The following ZNF143 variants were observed in gnomAD, a reference collection of about 807,000 sequenced individuals.
ZNF143 encodes the protein zinc finger protein 143.
In ZNF143, 49 loss-of-function variants were observed where a neutral mutation model predicts 74.1. That is an observed-to-expected ratio of 0.66 (90% CI 0.53 to 0.84). The LOEUF is 0.84. Among genes scored for constraint, ZNF143 ranks in the 40% least tolerant of loss-of-function variants. The pLI, the probability that ZNF143 is intolerant of heterozygous loss-of-function variation, is 0.00. For missense variants in ZNF143, 637 were observed against 793.4 expected (o/e 0.80, Z 2.37); for synonymous variants, 304 against 282.8 (o/e 1.07, Z -0.75).
intron 14 of ZNF143, 28 bp from the exon 15 acceptor site, chr11:9,525,212 G>A (rs2134279381): frequency 6.2e-7 from 1 of 1,613,408 alleles, no homozygotes; most frequent in Non-Finnish European, 8.5e-7. Context: ...AATTCTTTAT[G>A]TGTATGGTTT....
chr11:9,475,196 C>T (rs1361493003), intron 5 of ZNF143, among the ~76,000 whole-genome samples: 6 of 152,062 alleles, frequency 3.9e-5, no homozygotes, highest in Admixed American at 1.3e-4. Flanking sequence ...TTAAAAGCAG[C>T]CTTGGCTCCT....
At chr11:9,518,136 C>G (rs942955171) in intron 14 of ZNF143, among the ~76,000 whole-genome samples, 1 of 152,164 alleles carries the variant, frequency 6.6e-6, no homozygotes, top group African/African-American at 2.4e-5. Context: ...GAACAGACCT[C>G]CCACAAAAGA....
rs887062406 is a variant in ZNF143 at position 9,474,590 on chromosome 11, G to A, written c.330G>A (p.Gln110=). 5 of 1,614,068 alleles carry A rather than the reference G, an allele frequency of 3.1e-6. No homozygotes were observed. Among genetic ancestry groups the A allele is most frequent in the Non-Finnish European group, 4.2e-6 (5 of 1,180,034 alleles). ...SLRLEDGQAV[Q]LEDGTTAFIH... ...GTCTAGAGGATGGTCAAGCAGTACA[G>A]TTAGAAGATGGTACCACAGCATTTA... is the stretch of plus-strand genomic sequence containing the variant. Residue 110 remains glutamine (Q), a synonymous_variant, in exon 5 of 16, where the codon CAG becomes CAA. Coordinates refer to ENST00000396602, the MANE Select transcript of ZNF143 (RefSeq NM_003442.6).
At chr11:9,497,058 C>T (rs969109733) in intron 9 of ZNF143, among the ~76,000 whole-genome samples, 1 of 152,216 alleles carries the variant, frequency 6.6e-6, no homozygotes, top group Non-Finnish European at 1.5e-5. Context: ...TGGCACCAGG[C>T]CTGCTGACTT....
chr11:9,484,718 A>G (rs1285370028), intron 7 of ZNF143, among the ~76,000 whole-genome samples: 3 of 144,260 alleles, frequency 2.1e-5, no homozygotes, highest in Non-Finnish European at 4.5e-5. Flanking sequence ...TCCCAGTTGA[A>G]CTCCTGACCT....
intron 4 of ZNF143, 44 bp downstream of exon 4, chr11:9,474,068 A>C (rs529339793): frequency 2.0e-5 from 29 of 1,484,336 alleles, no homozygotes; most frequent in Non-Finnish European, 2.6e-5. Context: ...TTTAATTCTC[A>C]GCTTTTAGTA....
intron 11 of ZNF143, among the ~76,000 whole-genome samples, chr11:9,505,267 TG>T (rs1848320499): frequency 6.8e-6 from 1 of 146,774 alleles, no homozygotes; most frequent in Non-Finnish European, 1.5e-5. Context: ...CCACCATGCC[TG>T]GCCAAAAGAC....
At chr11:9,512,054 C>T (rs1006677721) in intron 12 of ZNF143, among the ~76,000 whole-genome samples, 3 of 152,144 alleles carry the variant, frequency 2.0e-5, no homozygotes, top group African/African-American at 7.2e-5. Flanking sequence ...CCTGGCCTAA[C>T]AGCCTCTTAA....
At chr11:9,522,225 T>G (rs1333973207) in intron 14 of ZNF143, among the ~76,000 whole-genome samples, 1 of 151,834 alleles carries the variant, frequency 6.6e-6, no homozygotes, top group East Asian at 2.0e-4. Flanking sequence ...AAATAAGGAC[T>G]GGGCGCAGTG....
Position 9,471,332 on chromosome 11 carries a change from A to C in ZNF143, c.24A>C (p.Arg8=), listed in dbSNP as rs1029251798. The C allele has an allele frequency of 6.2e-7, 1 of 1,612,042 alleles. No homozygotes were observed. The highest frequency in any genetic ancestry group is 1.3e-5 in the African/African-American group (1 of 74,776). The change falls in exon 2 of 16, where the codon CGA becomes CGC. Residue 8 remains arginine, a synonymous_variant. Transcript: ENST00000396602. ...AGATGTTGTTAGCCCAAATAAATCG[A>C]GATTCTCAGGGAATGACAGAGTTTC... MLLAQIN[R]DSQGMTEFPG... is the part of the protein sequence containing the mutation.
At chr11:9,461,181 C>T (rs1005138778) in intron 1 of ZNF143, 105 bp downstream of exon 1, 2 of 693,792 alleles carry the variant, frequency 2.9e-6, no homozygotes, top group Non-Finnish European at 3.6e-6. Context: ...CCGGCTCCCG[C>T]TGCTCAGCCT....
Position 9,497,675 on chromosome 11 carries a change from G to C in ZNF143, c.842G>C (p.Gly281Ala). 6.3e-7 allele frequency: 1 copy of C among 1,591,068 alleles called. No individual in the cohort carries two copies. Among genetic ancestry groups the C allele is most frequent in the South Asian group, 1.1e-5 (1 of 88,300 alleles). ...HAGCGKAFATGYGLKSHVRTH... is the reference protein window; with the variant it reads ...HAGCGKAFATAYGLKSHVRTH... ...AATTTCTTTTAATTTTTTCTTAAAGGTTATGGATTAAAAAGTCACGTCAGA... is the reference window on the plus strand; with the variant it reads ...AATTTCTTTTAATTTTTTCTTAAAGCTTATGGATTAAAAAGTCACGTCAGA... The change falls in exon 10 of 16, where the codon GGT becomes GCT. Residue 281 changes from glycine to alanine, a missense_variant and splice_region_variant. Physicochemically the swap from Gly to Ala is moderately conservative, Grantham distance 60 (BLOSUM62 0). This residue lies in a region of ZNF143 where 344 missense variants were observed against 485.6 expected (regional missense o/e 0.71). Transcript: ENST00000396602.
At chr11:9,490,925 T>A (rs1847749637) in intron 7 of ZNF143, among the ~76,000 whole-genome samples, 1 of 151,934 alleles carries the variant, frequency 6.6e-6, no homozygotes, top group Non-Finnish European at 1.5e-5. Flanking sequence ...AGAGATGGGG[T>A]TCCCCCCATG....
chr11:9,523,200 G>T (rs1209047931), intron 14 of ZNF143, among the ~76,000 whole-genome samples: 1 of 152,116 alleles, frequency 6.6e-6, no homozygotes, highest in Non-Finnish European at 1.5e-5. Flanking sequence ...ACGTGTTGTG[G>T]CTGGGTTTTG....
At chr11:9,466,680 G>A (rs975251184) in intron 1 of ZNF143, among the ~76,000 whole-genome samples, 8 of 151,910 alleles carry the variant, frequency 5.3e-5, no homozygotes, top group African/African-American at 1.2e-4. Flanking sequence ...GCCTCAAGCC[G>A]TCTTCCCTCC....
intron 8 of ZNF143, among the ~76,000 whole-genome samples, chr11:9,495,078 T>G (rs921831023): frequency 1.3e-5 from 2 of 152,228 alleles, no homozygotes; most frequent in Non-Finnish European, 2.9e-5. Flanking sequence ...ATATGAGAGA[T>G]ATGTGTGTAA....
chr11:9,527,745 T>G lies in ZNF143; in HGVS notation c.*132T>G. On this transcript the variant is annotated 3_prime_UTR_variant, in exon 16 of 16. Coordinates refer to ENST00000396602, the MANE Select transcript of ZNF143 (RefSeq NM_003442.6). ...CACTGTACACATTTTTATGCGAGAGTGGAGAACATTTTATTCTTGACACTT... is the reference window on the plus strand; with the variant it reads ...CACTGTACACATTTTTATGCGAGAGGGGAGAACATTTTATTCTTGACACTT... The G allele has an allele frequency of 2.7e-6, 2 of 731,362 alleles. No individual in the cohort carries two copies. The highest frequency in any genetic ancestry group is 2.7e-5 in the Admixed American group (1 of 36,432). The allele number at this position is 731,362 out of a possible 1,614,324, so 45.3% of individuals were successfully genotyped here.
In ZNF143 at chr11:9,520,537, A is replaced by C. The variant is rs552728334; in HGVS notation, c.1686+4175A>C. Reference sequence around the variant, plus strand: ...GCCAGGCACAGTGGCTCATGCCTGTAATCCCAGGAATTTGGGAGGCTGAGG... The same window carrying C: ...GCCAGGCACAGTGGCTCATGCCTGTCATCCCAGGAATTTGGGAGGCTGAGG... On this transcript the variant is annotated intron_variant, in intron 14 of 15. Transcript: ENST00000396602. Among the ~76,000 whole-genome samples the C allele has an allele frequency of 8.5e-5, 13 of 152,096 alleles. No homozygotes were observed. In the East Asian group the frequency reaches 1.9e-3, roughly 23 times the overall value.
Position 9,479,548 on chromosome 11 carries a change from T to C in ZNF143, c.645+2T>C, listed in dbSNP as rs530799575. The C allele has an allele frequency of 2.3e-5, 37 of 1,610,532 alleles. No individual in the cohort carries two copies. In the South Asian group the frequency reaches 4.0e-4, roughly 17 times the overall value. ...AATGAGCAAGAGAAAAAAATGCAGG[T>C]ATGTAAAGCTACTTTTTAATATAAA... On this transcript the variant is annotated splice_donor_variant, in intron 7 of 15. Coordinates refer to ENST00000396602, the MANE Select transcript of ZNF143 (RefSeq NM_003442.6). LOFTEE classifies it high-confidence loss of function.
Sources: allele counts gnomAD v4.1 joint callset (sites outside exome capture counted in the v4.1 genomes callset), GRCh38; gene constraint gnomAD v4.1.1; regional missense constraint gnomAD v4.1.1; transcripts MANE v1.5; gene names NCBI Gene and HGNC (gene_info 2026-07-23, HGNC 2026-07-21).